SAMM50: variants seen among roughly 807,000 people sequenced by gnomAD.
SAMM50 encodes SAMM50 sorting and assembly machinery component, also known as sorting and assembly machinery component 50 homolog.
In SAMM50, 47 loss-of-function variants were observed where a neutral mutation model predicts 66.9. The ratio of observed to expected loss-of-function variants is 0.70; its 90% CI spans 0.56 to 0.90. The LOEUF (loss-of-function observed/expected upper bound fraction) is 0.90, where lower values mean the gene tolerates loss of function less well. Among genes scored for constraint, SAMM50 ranks in the 40% least tolerant of loss-of-function variants. The pLI, the probability that SAMM50 is intolerant of heterozygous loss-of-function variation, is 0.00. For missense variants in SAMM50, 535 were observed against 595.3 expected, an observed-to-expected ratio of 0.90 and a Z score of 1.05; for synonymous variants, 191 against 214.1, an observed-to-expected ratio of 0.89 and a Z score of 0.94.
chr22:43,956,794 GGTT>G (rs965359738), intron 1 of SAMM50, among the ~76,000 whole-genome samples: 5 of 152,168 alleles, frequency 3.3e-5, no homozygotes, highest in Admixed American at 3.3e-4. Flanking sequence ...TCTTCAAACT[GGTT>G]GGCAGCATCA....
chr22:43,979,009 C>T (rs1181881658), intron 10 of SAMM50, among the ~76,000 whole-genome samples: 3 of 152,228 alleles, frequency 2.0e-5, no homozygotes, highest in Non-Finnish European at 2.9e-5. Context: ...TGTTGTCCGG[C>T]ACGTGAGCCC....
At chr22:43,976,945 G>A (rs2050235912) in intron 9 of SAMM50, 124 bp downstream of exon 9, 1 of 617,762 alleles carries the variant, frequency 1.6e-6, no homozygotes, top group African/African-American at 1.9e-5. Context: ...CGCACATGCA[G>A]TATCGCTTTT....
At chr22:43,957,246 C>A in intron 1 of SAMM50, 1 of 661,394 alleles carries the variant, frequency 1.5e-6, no homozygotes, top group Non-Finnish European at 2.8e-6. Context: ...TAACTCGGGC[C>A]CACAGAAACA....
chr22:43,986,812 C>T (rs1315389309), intron 12 of SAMM50: 1 of 152,214 alleles, frequency 6.6e-6, no homozygotes, highest in Non-Finnish European at 1.5e-5. Context: ...CTTGGCCCCC[C>T]AAAGTGCTCA....
chr22:43,978,137 T>C (rs1384005877), intron 10 of SAMM50, among the ~76,000 whole-genome samples, 179 bp downstream of exon 10: 1 of 152,050 alleles, frequency 6.6e-6, no homozygotes, highest in East Asian at 1.9e-4. Flanking sequence ...GCCATAAATA[T>C]TTTCTTTTAA....
At chr22:43,986,555 CT>C (rs879741787) in intron 12 of SAMM50, 197 of 144,338 alleles carry the variant, frequency 1.4e-3, no homozygotes, top group Non-Finnish European at 1.6e-3. Context: ...GATTTTCTTA[CT>C]TTTTTTTTTT....
chr22:43,982,488 C>T lies in SAMM50; in HGVS notation c.1007+1027C>T, dbSNP rs117721198. Among the ~76,000 whole-genome samples, 82 of 152,192 alleles carry T rather than the reference C, an allele frequency of 5.4e-4. No homozygotes were observed. The East Asian group carries it at 0.015, about 29-fold the overall frequency. The stretch of plus-strand genomic sequence containing the variant: ...TCCAGCGTGCATGCAGGTGTAGCAC[C>T]GAGGGCCTGGGAAGCCAGCCACCAA... On this transcript the variant is annotated intron_variant, in intron 11 of 14. Transcript: ENST00000350028.
At chr22:43,974,306 G>C (rs886638414) in intron 7 of SAMM50, among the ~76,000 whole-genome samples, 5 of 152,146 alleles carry the variant, frequency 3.3e-5, no homozygotes, top group Non-Finnish European at 5.9e-5. Flanking sequence ...GACCACCTGG[G>C]CTTGACTCCC....
chr22:43,963,917 A>ATTTTTTT (rs1381112918), intron 2 of SAMM50, among the ~76,000 whole-genome samples: 1 of 150,222 alleles, frequency 6.7e-6, no homozygotes, highest in African/African-American at 2.5e-5. Context: ...TATTTTTAAA[A>ATTTTTTT]TTTTTTTTGA....
intron 1 of SAMM50, chr22:43,957,047 C>G: frequency 1.0e-6 from 1 of 992,830 alleles, no homozygotes; most frequent in Non-Finnish European, 1.6e-6. Flanking sequence ...GGCTGTGGTC[C>G]AAGGCCATTT....
intron 3 of SAMM50, among the ~76,000 whole-genome samples, chr22:43,965,184 TAAA>T (rs34840511): frequency 7.5e-6 from 1 of 133,038 alleles, no homozygotes; most frequent in Non-Finnish European, 1.6e-5. Flanking sequence ...CATTCCCACT[TAAA>T]AAAAAAAAAA....
chr22:43,977,983 C>T, intron 10 of SAMM50, 25 bp downstream of exon 10: 1 of 1,458,118 alleles, frequency 6.9e-7, no homozygotes, highest in Non-Finnish European at 9.6e-7. Flanking sequence ...GATGCTGGCA[C>T]CTGCACTGTC....
chr22:43,984,098 C>A, intron 12 of SAMM50, 98 bp downstream of exon 12: 1 of 1,026,978 alleles, frequency 9.7e-7, no homozygotes. Flanking sequence ...ATAGACATTC[C>A]TCTTTCACGG....
Position 43,996,443 on chromosome 22 carries a change from C to T in SAMM50, c.*60C>T. 8 of 1,498,532 alleles carry T rather than the reference C, an allele frequency of 5.3e-6. No homozygotes were observed. Among genetic ancestry groups the T allele is most frequent in the Non-Finnish European group, 5.6e-6 (6 of 1,074,624 alleles). 92.8% of individuals were successfully genotyped at this position (1,498,532 alleles called of 1,614,324 possible). A position where few individuals can be genotyped will look rare whatever the true frequency, so the allele number is the denominator to read the frequency against. On this transcript the variant is annotated 3_prime_UTR_variant, in exon 15 of 15. Coordinates refer to ENST00000350028, the MANE Select transcript of SAMM50 (RefSeq NM_015380.5). ...GCAGCAGCAAGGCGCCCATGCCACA[C>T]ACCGTCTCTCGAGGAAACGCGGTTC... is the stretch of plus-strand genomic sequence containing the variant.
In SAMM50 at chr22:43,990,324, G is replaced by A. The variant is rs1456928361; in HGVS notation, c.1282G>A (p.Ala428Thr). ...TGAGTGCATCCGCTGGTCGTACGGG[G>A]CCGGGATTGTCCTCAGGCTTGGCAA... ...LAECIRWSYG[A>T]GIVLRLGNIA... The change falls in exon 14 of 15, where the codon GCC (alanine) becomes ACC (threonine). Residue 428 changes from alanine to threonine, a missense_variant. Transcript: ENST00000350028. The A allele has an allele frequency of 6.2e-7, 1 of 1,614,176 alleles. No individual in the cohort carries two copies. Among genetic ancestry groups the A allele is most frequent in the Non-Finnish European group, 8.5e-7 (1 of 1,180,022 alleles).
At chr22:43,993,682 G>T (rs567404530) in intron 14 of SAMM50, among the ~76,000 whole-genome samples, 1 of 152,188 alleles carries the variant, frequency 6.6e-6, no homozygotes, top group African/African-American at 2.4e-5. Flanking sequence ...TTTTCGCTCA[G>T]TGTGAGGCCT....
chr22:43,975,368 G>T (rs1460399643), intron 7 of SAMM50: 1 of 152,258 alleles, frequency 6.6e-6, no homozygotes, highest in African/African-American at 2.4e-5. Context: ...GGAGTATGGG[G>T]TGACGTGGCT....
At chr22:43,992,440 C>T (rs938527714) in intron 14 of SAMM50, among the ~76,000 whole-genome samples, 11 of 152,224 alleles carry the variant, frequency 7.2e-5, no homozygotes, top group Admixed American at 2.6e-4. Flanking sequence ...GAGATGGCGG[C>T]GGCTGCTCCC....
At chr22:43,981,919 A>G (rs2050266933) in intron 11 of SAMM50, among the ~76,000 whole-genome samples, 1 of 152,330 alleles carries the variant, frequency 6.6e-6, no homozygotes, top group South Asian at 2.1e-4. Context: ...AACATTGTAA[A>G]TAATAACTTT....
Sources: gnomAD v4.1 joint callset for allele counts (sites outside exome capture counted in the v4.1 genomes callset) on GRCh38, gnomAD v4.1.1 for gene constraint, MANE v1.5 for transcripts, NCBI Gene and HGNC (gene_info 2026-07-23, HGNC 2026-07-21) for gene names.